The following KIF1A variants were observed in gnomAD, a reference collection of about 807,000 sequenced individuals.
The protein encoded by KIF1A is kinesin family member 1A.
A neutral mutation model predicts 227.3 loss-of-function variants in KIF1A; 46 were observed. That is an observed-to-expected ratio of 0.20 (90% CI 0.16 to 0.26). The LOEUF is 0.26. Among genes scored for constraint, KIF1A ranks in the 10% least tolerant of loss-of-function variants. The probability of loss-of-function intolerance (pLI) is 1.00; values close to 1 mark genes in which losing one functional copy is unlikely to be tolerated. For missense variants in KIF1A, 1,683 were observed against 2,485.9 expected (o/e 0.68, Z 6.87); for synonymous variants, 1,022 against 1,012.8 (o/e 1.01, Z -0.17).
At chr2:240,742,655 T>C (rs2048118840) in intron 34 of KIF1A, among the ~76,000 whole-genome samples, 1 of 152,094 alleles carries the variant, frequency 6.6e-6, no homozygotes, top group Non-Finnish European at 1.5e-5. Context: ...CTGAGATGCC[T>C]GAAGTCCCCT....
At position 240,772,601 on chromosome 2, in the gene KIF1A, G is replaced by A. The variant is rs996110321; in HGVS notation, c.1181-5C>T. 42 of 1,545,766 alleles carry A rather than the reference G, an allele frequency of 2.7e-5. No homozygotes were observed. Among genetic ancestry groups the A allele is most frequent in the Non-Finnish European group, 3.4e-5 (39 of 1,142,774 alleles). ...GTCCTCCAGGCACAGTGTTGGCTATGGGGGAGGGAAGCGTGGGGGAGGGGG... is the reference window on the plus strand; with the variant it reads ...GTCCTCCAGGCACAGTGTTGGCTATAGGGGAGGGAAGCGTGGGGGAGGGGG... On this transcript the variant is annotated splice_polypyrimidine_tract_variant and splice_region_variant and intron_variant, in intron 13 of 48. Transcript: ENST00000498729.
intron 44 of KIF1A, among the ~76,000 whole-genome samples, 185 bp from the exon 45 acceptor site, chr2:240,721,223 C>T (rs2125587873): frequency 6.6e-6 from 1 of 152,322 alleles, no homozygotes; most frequent in South Asian, 2.1e-4. Context: ...CCCTGTGGCC[C>T]CTGGCCGGCC....
In KIF1A at chr2:240,758,654, C is replaced by A. The variant is rs1370635244; in HGVS notation, c.2445-157G>T. Among the ~76,000 whole-genome samples, 2 of 152,134 alleles carry A rather than the reference C, an allele frequency of 1.3e-5. No homozygotes were observed. Among genetic ancestry groups the A allele is most frequent in the Non-Finnish European group, 2.9e-5 (2 of 68,016 alleles). ...TCCAGGGGGCTTGCTAGACAGACCCCCTCTGTGACCCTTAGAGCTGGTCAG... is the reference window on the plus strand; with the variant it reads ...TCCAGGGGGCTTGCTAGACAGACCCACTCTGTGACCCTTAGAGCTGGTCAG... On this transcript the variant is annotated intron_variant, in intron 25 of 48. Transcript: ENST00000498729. This position sits in a 1 kb window ranked among gnomAD's most constrained non-coding sequence, Gnocchi z 5.2.
Position 240,766,730 on chromosome 2 carries a change from C to T in KIF1A, c.1684+185G>A. 8.0e-6 allele frequency among the ~76,000 whole-genome samples: 1 copy of T among 125,416 alleles called. No individual in the cohort carries two copies. The highest frequency in any genetic ancestry group is 1.6e-5 in the Non-Finnish European group (1 of 62,654). 82.3% of individuals were successfully genotyped at this position (125,416 alleles called of 152,430 possible). A position where few individuals can be genotyped will look rare whatever the true frequency, so the allele number is the denominator to read the frequency against. Reference sequence around the variant, plus strand: ...TCTCTCTCTCTCTCCAAATCTCTCTCTCTCTCTCTCTCTCTCTCTCACACA... The same window carrying T: ...TCTCTCTCTCTCTCCAAATCTCTCTTTCTCTCTCTCTCTCTCTCTCACACA... On this transcript the variant is annotated intron_variant, in intron 19 of 48. Transcript: ENST00000498729. The surrounding 1 kb of genome is among the most constrained non-coding windows in gnomAD (Gnocchi z 5.0).
intron 34 of KIF1A, among the ~76,000 whole-genome samples, chr2:240,742,307 A>G (rs2048074680): frequency 6.6e-6 from 1 of 151,024 alleles, no homozygotes; most frequent in East Asian, 1.9e-4. Context: ...CCGGGACCAC[A>G]CTCCCTCCTT....
intron 20 of KIF1A, among the ~76,000 whole-genome samples, chr2:240,764,726 AGGTTTCT>A (rs1411119657): frequency 6.6e-6 from 1 of 152,064 alleles, no homozygotes; most frequent in Non-Finnish European, 1.5e-5. Flanking sequence ...TGTTGTGTGG[AGGTTTCT>A]GCACATGTGC....
At chr2:240,783,668 G>A (rs2054362800) in intron 8 of KIF1A, 71 bp downstream of exon 8, 2 of 1,261,802 alleles carry the variant, frequency 1.6e-6, no homozygotes, top group East Asian at 2.5e-5. Flanking sequence ...CCCCAACAGA[G>A]CCCTCCTGCC....
chr2:240,718,933 G>T, intron 47 of KIF1A, 73 bp downstream of exon 47: 1 of 1,252,124 alleles, frequency 8.0e-7, no homozygotes, highest in Non-Finnish European at 1.1e-6. Context: ...ACGCAGGGCT[G>T]CAGAGGATGG....
intron 2 of KIF1A, among the ~76,000 whole-genome samples, chr2:240,794,806 T>C (rs776551168): frequency 1.3e-5 from 2 of 152,104 alleles, no homozygotes; most frequent in Non-Finnish European, 2.9e-5. Context: ...TGCCTTTTGC[T>C]TGCCGGCAAC....
Position 240,761,300 on chromosome 2 carries a change from G to C in KIF1A, c.2194C>G (p.Arg732Gly). ...KWKWYQFTSL[R>G]DLLWGNAIFL... ...ATGGCGTTGCCCCACAGCAGGTCCC[G>C]CAGAGACGTGAACTGGTACCACTTC... The change falls in exon 24 of 49, where the codon CGG becomes GGG. Residue 732 changes from arginine (R) to glycine (G), a missense_variant. Around this residue, in one of 12 missense-constraint regions of KIF1A, gnomAD observed 217 missense variants for 427.0 expected, o/e 0.51. Transcript: ENST00000498729. 6.2e-7 allele frequency: 1 copy of C among 1,613,816 alleles called. No homozygotes were observed. Among genetic ancestry groups the C allele is most frequent in the Non-Finnish European group, 8.5e-7 (1 of 1,179,800 alleles).
intron 1 of KIF1A, 167 bp from the exon 2 acceptor site, chr2:240,797,979 A>T (rs112065536): frequency 2.1e-6 from 1 of 470,444 alleles, no homozygotes; most frequent in African/African-American, 2.0e-5. Context: ...AGATAATTCT[A>T]GAAAGCAGGA....
intron 1 of KIF1A, among the ~76,000 whole-genome samples, chr2:240,814,583 C>G (rs1251899068): frequency 6.6e-6 from 1 of 152,190 alleles, no homozygotes; most frequent in African/African-American, 2.4e-5. Flanking sequence ...TGGCAAGCAG[C>G]TGCCAGAGGC....
chr2:240,812,309 T>C (rs974877887), intron 1 of KIF1A, among the ~76,000 whole-genome samples: 1 of 151,980 alleles, frequency 6.6e-6, no homozygotes, highest in Non-Finnish European at 1.5e-5. Flanking sequence ...GCTCGAGGAG[T>C]GTCCAGGAAA....
In KIF1A at chr2:240,740,398, GC is replaced by G; in HGVS notation, c.3750-35del. 6.3e-7 allele frequency: 1 copy of G among 1,584,272 alleles called. No homozygotes were observed. The highest frequency in any genetic ancestry group is 8.7e-7 in the Non-Finnish European group (1 of 1,153,242). ...GAGAGACACATGTGAGGAGCGGCCA[GC>G]CCCTCCTCTCTGCCCTCCCCGCAGC... is the stretch of plus-strand genomic sequence containing the variant. On this transcript the variant is annotated intron_variant, in intron 35 of 48. Transcript: ENST00000498729. The surrounding 1 kb of genome is among the most constrained non-coding windows in gnomAD (Gnocchi z 6.1).
rs2050003101 is a variant in KIF1A at position 240,757,510 on chromosome 2, G to T, written c.2667C>A (p.Thr889=). Residue 889 remains threonine (T), a synonymous_variant, in exon 27 of 49, where the codon ACC becomes ACA. Transcript: ENST00000498729. This position sits in a 1 kb window ranked among gnomAD's most constrained non-coding sequence, Gnocchi z 6.2. ...ERMAALTPSP[T]FSSPDSDATE... is the part of the protein sequence containing the mutation. ...TGGCGTCGGAGTCGGGGCTCGAGAA[G>T]GTGGGGGAGGGGGTGAGAGCAGCCA... The T allele has an allele frequency of 1.9e-6, 3 of 1,550,440 alleles. No individual in the cohort carries two copies. Among genetic ancestry groups the T allele is most frequent in the Non-Finnish European group, 2.6e-6 (3 of 1,147,006 alleles).
intron 25 of KIF1A, among the ~76,000 whole-genome samples, chr2:240,759,856 T>C (rs765150392): frequency 6.6e-6 from 1 of 151,766 alleles, no homozygotes; most frequent in Non-Finnish European, 1.5e-5. Flanking sequence ...CAAAAAAAAT[T>C]CAAAAATTAG....
At chr2:240,815,504 C>T (rs2058251599) in intron 1 of KIF1A, among the ~76,000 whole-genome samples, 3 of 152,124 alleles carry the variant, frequency 2.0e-5, no homozygotes, top group Non-Finnish European at 4.4e-5. Context: ...GCTCAGGAAT[C>T]CATAGGTTCT....
At chr2:240,761,855 G>A (rs1160723195) in intron 23 of KIF1A, among the ~76,000 whole-genome samples, 5 of 152,162 alleles carry the variant, frequency 3.3e-5, no homozygotes, top group Admixed American at 3.3e-4. Flanking sequence ...GGGGCCAGCA[G>A]TGGGGAGCAG....
chr2:240,753,662 G>A (rs2049482856), intron 27 of KIF1A, among the ~76,000 whole-genome samples: 1 of 152,160 alleles, frequency 6.6e-6, no homozygotes, highest in African/African-American at 2.4e-5. Flanking sequence ...CCTCCTGGGA[G>A]GCAGTGCACC....
Sources: allele counts gnomAD v4.1 joint callset (sites outside exome capture counted in the v4.1 genomes callset), GRCh38; gene constraint gnomAD v4.1.1; regional missense constraint gnomAD v4.1.1; non-coding constraint Gnocchi (gnomAD v3.1); transcripts MANE v1.5; gene names NCBI Gene and HGNC (gene_info 2026-07-23, HGNC 2026-07-21).